Variants in DOCK1 observed in about 807,000 individuals in gnomAD.
DOCK1 encodes dedicator of cytokinesis 1, also known as dedicator of cytokinesis protein 1.
Under a neutral mutation model 262.7 loss-of-function variants are expected in DOCK1, and 138 were observed. That is an observed-to-expected ratio of 0.53 (90% confidence interval 0.46 to 0.61). The LOEUF (loss-of-function observed/expected upper bound fraction) is 0.61, where lower values mean the gene tolerates loss of function less well. Ranked by LOEUF, DOCK1 falls within the 20% of genes least tolerant of loss-of-function variation. The pLI, the probability that DOCK1 is intolerant of heterozygous loss-of-function variation, is 0.00. For missense variants in DOCK1, 1,908 were observed against 2,370.7 expected, an observed-to-expected ratio of 0.80 and a Z score of 4.05; for synonymous variants, 866 against 867.4, an observed-to-expected ratio of 1.00 and a Z score of 0.03.
At chr10:126,952,543 G>T (rs894775986) in intron 1 of DOCK1, among the ~76,000 whole-genome samples, 4 of 145,160 alleles carry the variant, frequency 2.8e-5, no homozygotes, top group Admixed American at 1.4e-4. Flanking sequence ...GTTGGTGATG[G>T]TGGTGGTAGT....
At chr10:127,436,287 C>A (rs2069677332) in intron 48 of DOCK1, among the ~76,000 whole-genome samples, 1 of 152,104 alleles carries the variant, frequency 6.6e-6, no homozygotes, top group African/African-American at 2.4e-5. Context: ...GAGGCTGAGG[C>A]AGGTGGATTG....
Position 127,027,094 on chromosome 10 carries a change from C to G in DOCK1, c.1624+670C>G, listed in dbSNP as rs1454329050. Among the ~76,000 whole-genome samples, 7 of 152,216 alleles carry G rather than the reference C, an allele frequency of 4.6e-5. No homozygotes were observed. The East Asian group carries it at 1.3e-3, about 29-fold the overall frequency. On this transcript the variant is annotated intron_variant, in intron 16 of 51. Transcript: ENST00000623213. ...TTGGCATTGGGAACTGAGACATATTCATATTTGGGACAATAAATGACAAAG... is the reference window on the plus strand; with the variant it reads ...TTGGCATTGGGAACTGAGACATATTGATATTTGGGACAATAAATGACAAAG...
Position 127,125,617 on chromosome 10 carries a change from G to A in DOCK1, c.2751+16G>A, listed in dbSNP as rs1261885826. On this transcript the variant is annotated intron_variant, in intron 26 of 51. Coordinates refer to ENST00000623213, the MANE Select transcript of DOCK1 (RefSeq NM_001290223.2). ...GAAGGACGTGGTGAGTGTTGGCTCT[G>A]TGCGTGACGTCCTGCCATTTGCCTG... 2.5e-6 allele frequency: 4 copies of A among 1,602,960 alleles called. No homozygotes were observed. The highest frequency in any genetic ancestry group is 3.4e-6 in the Non-Finnish European group (4 of 1,175,140).
intron 21 of DOCK1, among the ~76,000 whole-genome samples, chr10:127,046,723 T>C (rs1199888362): frequency 7.5e-6 from 1 of 132,558 alleles, no homozygotes; most frequent in Non-Finnish European, 1.5e-5. Flanking sequence ...ATCACAGCAC[T>C]GCACTCCAGC....
chr10:126,975,486 G>C (rs2038454625), intron 2 of DOCK1, among the ~76,000 whole-genome samples: 1 of 152,222 alleles, frequency 6.6e-6, no homozygotes, highest in Non-Finnish European at 1.5e-5. Flanking sequence ...GCATCCTGCA[G>C]TGTTCTGCCT....
In DOCK1 at chr10:127,054,845, T is replaced by TC. The variant is rs559095814; in HGVS notation, c.2336+2033dup. 1.7e-4 allele frequency among the ~76,000 whole-genome samples: 26 copies of TC among 152,364 alleles called. No homozygotes were observed. The South Asian group carries it at 5.4e-3, about 32-fold the overall frequency. On this transcript the variant is annotated intron_variant, in intron 22 of 51. Coordinates refer to ENST00000623213, the MANE Select transcript of DOCK1 (RefSeq NM_001290223.2). ...ATTCTCACCCGATAACACTGGACTT[T>TC]CCCTTTCATTCAGAGGTTTGTACTT...
At chr10:127,349,016 G>A (rs116130888) in intron 31 of DOCK1, among the ~76,000 whole-genome samples, 2,283 of 152,206 alleles carry the variant, frequency 0.015, 55 homozygotes, top group African/African-American at 0.052. Flanking sequence ...GGTGACCTGT[G>A]CCAACTTCAA....
At chr10:127,262,077 GGT>G (rs1554934602) in intron 29 of DOCK1, among the ~76,000 whole-genome samples, 6 of 83,958 alleles carry the variant, frequency 7.1e-5, no homozygotes, top group East Asian at 3.6e-4. Flanking sequence ...TGTGCATGTG[GGT>G]GTGTGTGTGT....
chr10:127,021,353 C>T (rs1396569609), intron 13 of DOCK1, among the ~76,000 whole-genome samples: 10 of 152,098 alleles, frequency 6.6e-5, no homozygotes, highest in Middle Eastern at 3.2e-3. Flanking sequence ...TTAATAGAGA[C>T]GGGGGTTCAC....
intron 47 of DOCK1, among the ~76,000 whole-genome samples, chr10:127,429,834 T>C (rs1300236104): frequency 6.7e-6 from 1 of 149,532 alleles, no homozygotes; most frequent in Non-Finnish European, 1.5e-5. Flanking sequence ...ACGTTCGGCA[T>C]TGGCCCCCGT....
At position 126,922,679 on chromosome 10, in the gene DOCK1, T is replaced by C. The variant is rs1275592270; in HGVS notation, c.46+17116T>C. Among the ~76,000 whole-genome samples, 4 of 152,212 alleles carry C rather than the reference T, an allele frequency of 2.6e-5. No homozygotes were observed. The East Asian group carries it at 7.7e-4, about 29-fold the overall frequency. ...TATCAGTGACTTTGGGGTTTCCTTA[T>C]GCAGTGATGAAAATACTTAAGAACT... On this transcript the variant is annotated intron_variant, in intron 1 of 51. Coordinates refer to ENST00000623213, the MANE Select transcript of DOCK1 (RefSeq NM_001290223.2).
Position 127,176,482 on chromosome 10 carries a change from A to T in DOCK1, c.2847+48718A>T, listed in dbSNP as rs1374046961. 7.1e-6 allele frequency: 8 copies of T among 1,127,834 alleles called. No homozygotes were observed. Among genetic ancestry groups the T allele is most frequent in the Non-Finnish European group, 8.8e-6 (7 of 793,202 alleles). The allele number at this position is 1,127,834 out of a possible 1,614,324, so 69.9% of individuals were successfully genotyped here. ...CCGGCCGCACAAACTTTTAGCCACCACGACGACTGCCTGTTTCCTAATTAT... is the reference window on the plus strand; with the variant it reads ...CCGGCCGCACAAACTTTTAGCCACCTCGACGACTGCCTGTTTCCTAATTAT... On this transcript the variant is annotated intron_variant, in intron 27 of 51. Transcript: ENST00000623213. The surrounding 1 kb of genome is among the most constrained non-coding windows in gnomAD (Gnocchi z 4.4).
At chr10:127,044,659 G>C (rs769233268) in intron 21 of DOCK1, among the ~76,000 whole-genome samples, 1 of 152,218 alleles carries the variant, frequency 6.6e-6, no homozygotes, top group South Asian at 2.1e-4. Flanking sequence ...TGTGGCCAAA[G>C]AACTCTTCTC....
chr10:127,241,897 A>G (rs553338485), intron 27 of DOCK1, among the ~76,000 whole-genome samples: 109 of 152,272 alleles, frequency 7.2e-4, no homozygotes, highest in African/African-American at 2.5e-3. Flanking sequence ...CATGCTGGGC[A>G]TAGGCAGACT....
At chr10:126,948,869 C>T (rs908743324) in intron 1 of DOCK1, among the ~76,000 whole-genome samples, 1 of 152,088 alleles carries the variant, frequency 6.6e-6, no homozygotes, top group Non-Finnish European at 1.5e-5. Flanking sequence ...GATATGTGTG[C>T]TGGGCCTGGC....
At chr10:127,310,993 T>A (rs2135496919) in intron 29 of DOCK1, among the ~76,000 whole-genome samples, 1 of 152,320 alleles carries the variant, frequency 6.6e-6, no homozygotes, top group East Asian at 1.9e-4. Context: ...CAACACTTTT[T>A]CAGTGTGTTT....
chr10:127,227,099 G>A (rs1457020533), intron 27 of DOCK1, among the ~76,000 whole-genome samples: 7 of 152,174 alleles, frequency 4.6e-5, no homozygotes, highest in South Asian at 4.1e-4. Flanking sequence ...CAGGAATCTC[G>A]TTGAAGTCCA....
At chr10:127,140,372 C>T (rs11595689) in intron 27 of DOCK1, among the ~76,000 whole-genome samples, 43,781 of 152,004 alleles carry the variant, frequency 0.29, 6,622 homozygotes, top group African/African-American at 0.36. Context: ...AGGCAGGTTC[C>T]TTGGTAGAGG....
chr10:127,301,260 G>T (rs1330608685), intron 29 of DOCK1, among the ~76,000 whole-genome samples: 3 of 152,164 alleles, frequency 2.0e-5, no homozygotes, highest in Non-Finnish European at 4.4e-5. Flanking sequence ...TGGATCGGAG[G>T]GTTAATGATT....
Sources: allele counts gnomAD v4.1 joint callset (sites outside exome capture counted in the v4.1 genomes callset), GRCh38; gene constraint gnomAD v4.1.1; non-coding constraint Gnocchi (gnomAD v3.1); transcripts MANE v1.5; gene names NCBI Gene and HGNC (gene_info 2026-07-23, HGNC 2026-07-21).